Variants in CSPG4 observed in about 807,000 individuals in gnomAD.
CSPG4 encodes the protein chondroitin sulfate proteoglycan 4.
CSPG4 carries 74 observed loss-of-function variants against 139.3 expected under a neutral mutation model. That is an observed-to-expected ratio of 0.53 (90% confidence interval 0.44 to 0.64). CSPG4 has a LOEUF of 0.64. Among genes scored for constraint, CSPG4 ranks in the 30% least tolerant of loss-of-function variants. The pLI is 0.00. For synonymous variants in CSPG4, 1,234 were observed against 1,394.2 expected (o/e 0.89, Z 2.56); for missense variants, 2,565 against 3,148.3 (o/e 0.81, Z 4.43).
chr15:75,681,035 G>C (rs1014538964), intron 8 of CSPG4, among the ~76,000 whole-genome samples: 5 of 152,198 alleles, frequency 3.3e-5, no homozygotes, highest in African/African-American at 4.8e-5. Context: ...GCCTGGTCCC[G>C]TGCCCTCTCC....
In CSPG4 at chr15:75,674,507, C is replaced by G. The variant is rs987299518; in HGVS notation, c.*1043G>C. On this transcript the variant is annotated 3_prime_UTR_variant, in exon 10 of 10. Transcript: ENST00000308508. ...TGGAAGTTCAGAGGCCTGCCTGGCC[C>G]TGTCCATCCCACTGGCTGAGGCCAG... 7 of 382,474 alleles carry G rather than the reference C, an allele frequency of 1.8e-5. No homozygotes were observed. The highest frequency in any genetic ancestry group is 3.2e-5 in the Non-Finnish European group (7 of 216,008). The allele number at this position is 382,474 out of a possible 1,614,324, so 23.7% of individuals were successfully genotyped here.
Position 75,676,275 on chromosome 15 carries a change from G to T in CSPG4, c.6244C>A (p.Arg2082Ser). The T allele has an allele frequency of 6.3e-7, 1 of 1,583,690 alleles. No individual in the cohort carries two copies. Reference protein sequence around the residue: ...ELANRTGSVPRFRLLEGPRHG... With the variant: ...ELANRTGSVPSFRLLEGPRHG... Reference sequence around the variant, plus strand: ...CGGGGTCCCTCCAGGAGGCGGAAGCGCGGCACACTGCCTGTGCGGTTGGCC... The same window carrying T: ...CGGGGTCCCTCCAGGAGGCGGAAGCTCGGCACACTGCCTGTGCGGTTGGCC... The change falls in exon 10 of 10, where the codon CGC becomes AGC. Residue 2082 changes from arginine to serine, a missense_variant. Around this residue, in one of 5 missense-constraint regions of CSPG4, gnomAD observed 2,316 missense variants for 2,818.2 expected, o/e 0.82. Transcript: ENST00000308508.
chr15:75,677,248 C>A lies in CSPG4; in HGVS notation c.5271G>T (p.Arg1757=), dbSNP rs764047931. 5.4e-6 allele frequency: 8 copies of A among 1,489,216 alleles called. No homozygotes were observed. In the East Asian group the frequency reaches 1.7e-4, roughly 32 times the overall value. 92.3% of individuals were successfully genotyped at this position (1,489,216 alleles called of 1,614,324 possible). Residue 1757 remains arginine, a synonymous_variant, in exon 10 of 10, where the codon CGG becomes CGT. Coordinates refer to ENST00000308508, the MANE Select transcript of CSPG4 (RefSeq NM_001897.5). ...VLFQVTQFPS[R]GQLLVSEEPL... ...GCTCCTCGGACACCAACAGCTGGCC[C>A]CGGCTGGGGAACTGTGTGACCTGGA...
intron 1 of CSPG4, among the ~76,000 whole-genome samples, chr15:75,701,821 T>C (rs373208793): frequency 6.0e-4 from 92 of 152,186 alleles, no homozygotes; most frequent in Admixed American, 1.2e-3. Context: ...CCCCTACAGC[T>C]GGCTCGCCAG....
chr15:75,711,653 GTGTGGCC>G (rs1261285803), intron 1 of CSPG4, among the ~76,000 whole-genome samples: 1 of 152,282 alleles, frequency 6.6e-6, no homozygotes, highest in African/African-American at 2.4e-5. Context: ...GGAGAGAAGG[GTGTGGCC>G]TGGGCCCTTG....
At position 75,712,725 on chromosome 15, in the gene CSPG4, C is replaced by CT. The variant is rs1186342017; in HGVS notation, c.30dup (p.Ala11SerfsTer25). 6.4e-7 allele frequency: 1 copy of CT among 1,561,044 alleles called. No individual in the cohort carries two copies. On this transcript the variant is annotated frameshift_variant, in exon 1 of 10. Transcript: ENST00000308508. LOFTEE classifies it high-confidence loss of function. ...GTCAAAGCCAAGGCCAGGCCGGGGG[C>CT]TGGAAGTGGGGGCCGCGGCCCGGAC...
rs866747496 is a variant in CSPG4 at position 75,676,223 on chromosome 15, C to T, written c.6296G>A (p.Arg2099Gln). 2.0e-5 allele frequency: 31 copies of T among 1,551,402 alleles called. No homozygotes were observed. Among genetic ancestry groups the T allele is most frequent in the Middle Eastern group, 1.7e-4 (1 of 6,022 alleles). The change falls in exon 10 of 10, where the codon CGA (arginine) becomes CAA (glutamine). Residue 2099 changes from arginine to glutamine, a missense_variant. Arg to Gln is a conservative substitution (Grantham distance 43). This residue lies in a region of CSPG4 where 2,316 missense variants were observed against 2,818.2 expected (regional missense o/e 0.82). Transcript: ENST00000308508. ...GCTGCCCCCGGGCTCCGTCCTGGCTCGGGGCACGCGGACCACGCGGCCATG... is the reference window on the plus strand; with the variant it reads ...GCTGCCCCCGGGCTCCGTCCTGGCTTGGGGCACGCGGACCACGCGGCCATG... ...PRHGRVVRVP[R>Q]ARTEPGGSQL...
At position 75,685,689 on chromosome 15, in the gene CSPG4, C is replaced by A; in HGVS notation, c.3802G>T (p.Ala1268Ser). ...RRDQLEAAQE[A>S]VPPADIVFSV... The stretch of plus-strand genomic sequence containing the variant: ...AATACGATGTCTGCAGGTGGCACTG[C>A]CTCCTGGGCTGCCTGGTTAACAGAG... Residue 1268 changes from alanine (A) to serine (S), a missense_variant, in exon 4 of 10, where the codon GCA becomes TCA. Physicochemically the swap from Ala to Ser is moderately conservative, Grantham distance 99. Transcript: ENST00000308508. The A allele has an allele frequency of 1.9e-6, 3 of 1,594,476 alleles. No individual in the cohort carries two copies. The highest frequency in any genetic ancestry group is 2.6e-6 in the Non-Finnish European group (3 of 1,174,494).
chr15:75,691,895 G>A (rs1379089932), intron 2 of CSPG4, among the ~76,000 whole-genome samples: 1 of 152,206 alleles, frequency 6.6e-6, no homozygotes, highest in African/African-American at 2.4e-5. Flanking sequence ...GCACCAGCCT[G>A]CACCACGCTG....
chr15:75,689,333 A>C lies in CSPG4; in HGVS notation c.1732T>G (p.Phe578Val). The stretch of plus-strand genomic sequence containing the variant: ...GCAGAGTCCGGGTCATAGGCCTGGA[A>C]AACCTCAGGCCCCAGCGGCTTCTGC... ...HTQKPLGPEVFQAYDPDSACE... is the reference protein window; with the variant it reads ...HTQKPLGPEVVQAYDPDSACE... The change falls in exon 3 of 10, where the codon TTC becomes GTC. Residue 578 changes from phenylalanine (F) to valine (V), a missense_variant. Phe to Val is a conservative substitution (Grantham distance 50, BLOSUM62 -1). Around this residue, in one of 5 missense-constraint regions of CSPG4, gnomAD observed 2,316 missense variants for 2,818.2 expected, o/e 0.82. Coordinates refer to ENST00000308508, the MANE Select transcript of CSPG4 (RefSeq NM_001897.5). The C allele has an allele frequency of 6.2e-7, 1 of 1,611,310 alleles. No homozygotes were observed.
intron 9 of CSPG4, 55 bp downstream of exon 9, chr15:75,677,648 T>C (rs1485941111): frequency 2.0e-6 from 3 of 1,529,178 alleles, no homozygotes; most frequent in African/African-American, 1.4e-5. Context: ...CCCCTCCTCC[T>C]GGGCCTCTCC....
intron 1 of CSPG4, among the ~76,000 whole-genome samples, chr15:75,699,480 T>C (rs999376091): frequency 6.6e-6 from 1 of 152,216 alleles, no homozygotes; most frequent in Non-Finnish European, 1.5e-5. Context: ...TAGAGGGGCA[T>C]GTGCTGGGGA....
intron 5 of CSPG4, among the ~76,000 whole-genome samples, 159 bp downstream of exon 5, chr15:75,684,577 T>G (rs141264292): frequency 0.019 from 2,936 of 152,298 alleles, 51 homozygotes; most frequent in Middle Eastern, 0.068. Flanking sequence ...ACAATCTCAC[T>G]TCTCTCCTTC....
Position 75,698,102 on chromosome 15 carries a change from C to T in CSPG4, c.89-4869G>A, listed in dbSNP as rs910394637. Among the ~76,000 whole-genome samples the T allele has an allele frequency of 6.6e-6, 1 of 152,110 alleles. No homozygotes were observed. Among genetic ancestry groups the T allele is most frequent in the African/African-American group, 2.4e-5 (1 of 41,404 alleles). ...TGTGCACAGGAGTGAGGAGGGGATGCCCAGCCAGCCTGCTGGGGAGGGAGG... is the reference window on the plus strand; with the variant it reads ...TGTGCACAGGAGTGAGGAGGGGATGTCCAGCCAGCCTGCTGGGGAGGGAGG... On this transcript the variant is annotated intron_variant, in intron 1 of 9. Coordinates refer to ENST00000308508, the MANE Select transcript of CSPG4 (RefSeq NM_001897.5). This position sits in a 1 kb window ranked among gnomAD's most constrained non-coding sequence, Gnocchi z 4.3.
Position 75,690,789 on chromosome 15 carries a change from C to T in CSPG4, c.276G>A (p.Glu92=). ...CTGCTGGAGTCTGCAGCCTCAGCTC[C>T]TCCTGGCCCAGAACAAGTCTGACCT... ...RLQVRLVLGQ[E]ELRLQTPAET... The change falls in exon 3 of 10, where the codon GAG becomes GAA. Residue 92 remains glutamate (E), a synonymous_variant. Transcript: ENST00000308508. The T allele has an allele frequency of 6.2e-7, 1 of 1,611,728 alleles. No homozygotes were observed. Among genetic ancestry groups the T allele is most frequent in the African/African-American group, 1.3e-5 (1 of 75,042 alleles).
In CSPG4 at chr15:75,696,362, G is replaced by A. The variant is rs1407717448; in HGVS notation, c.89-3129C>T. 2.6e-5 allele frequency among the ~76,000 whole-genome samples: 4 copies of A among 152,130 alleles called. No individual in the cohort carries two copies. The highest frequency in any genetic ancestry group is 2.6e-4 in the Admixed American group (4 of 15,274). ...GGGGCCCGTGGGAGGGGCAGGAAGA[G>A]TGCTGCGTGTATGGGTTTCTCTCTC... On this transcript the variant is annotated intron_variant, in intron 1 of 9. Coordinates refer to ENST00000308508, the MANE Select transcript of CSPG4 (RefSeq NM_001897.5). This position sits in a 1 kb window ranked among gnomAD's most constrained non-coding sequence, Gnocchi z 4.2.
At position 75,689,005 on chromosome 15, in the gene CSPG4, G is replaced by A. The variant is rs142164794; in HGVS notation, c.2060C>T (p.Ser687Leu). Reference protein sequence around the residue: ...SAMPILPANLSVETNAVGQDV... With the variant: ...SAMPILPANLLVETNAVGQDV... ...CTGCCCCACGGCATTGGTCTCCACCGACAGGTTGGCGGGCAAGATGGGCAT... is the reference window on the plus strand; with the variant it reads ...CTGCCCCACGGCATTGGTCTCCACCAACAGGTTGGCGGGCAAGATGGGCAT... The change falls in exon 3 of 10, where the codon TCG becomes TTG. Residue 687 changes from serine to leucine, a missense_variant. Ser to Leu is a moderately radical substitution (Grantham distance 145). Around this residue, in one of 5 missense-constraint regions of CSPG4, gnomAD observed 2,316 missense variants for 2,818.2 expected, o/e 0.82. Transcript: ENST00000308508. 1.7e-5 allele frequency: 27 copies of A among 1,612,194 alleles called. No homozygotes were observed. Among genetic ancestry groups the A allele is most frequent in the East Asian group, 8.9e-5 (4 of 44,886 alleles).
rs1380724714 is a variant in CSPG4 at position 75,698,382 on chromosome 15, G to A, written c.89-5149C>T. ...ATGCCGGCTCTGTGAGAGCATGGAC[G>A]GGCCAGGTGTGCTTCCCCAGCAGCG... On this transcript the variant is annotated intron_variant, in intron 1 of 9. Coordinates refer to ENST00000308508, the MANE Select transcript of CSPG4 (RefSeq NM_001897.5). This position sits in a 1 kb window ranked among gnomAD's most constrained non-coding sequence, Gnocchi z 4.3. Among the ~76,000 whole-genome samples, 2 of 151,908 alleles carry A rather than the reference G, an allele frequency of 1.3e-5. No homozygotes were observed. Among genetic ancestry groups the A allele is most frequent in the African/African-American group, 4.8e-5 (2 of 41,312 alleles).
At chr15:75,712,568 G>T in intron 1 of CSPG4, 100 bp downstream of exon 1, 1 of 1,203,286 alleles carries the variant, frequency 8.3e-7, no homozygotes, top group Non-Finnish European at 1.2e-6. Flanking sequence ...CTTGACTCCC[G>T]ATCTGGGGGC....
Sources: gnomAD v4.1 joint callset for allele counts (sites outside exome capture counted in the v4.1 genomes callset) on GRCh38, gnomAD v4.1.1 for gene constraint, gnomAD v4.1.1 regional missense constraint, Gnocchi (gnomAD v3.1) non-coding constraint, MANE v1.5 for transcripts, NCBI Gene and HGNC (gene_info 2026-07-23, HGNC 2026-07-21) for gene names.